KCNH5: variants seen among roughly 807,000 people sequenced by gnomAD.
KCNH5 encodes potassium voltage-gated channel subfamily H member 5.
A neutral mutation model predicts 96.1 loss-of-function variants in KCNH5; 46 were observed. That is an observed-to-expected ratio of 0.48 (90% CI 0.38 to 0.61). KCNH5 has a LOEUF of 0.61. Among genes scored for constraint, KCNH5 ranks in the 20% least tolerant of loss-of-function variants. The probability of loss-of-function intolerance (pLI) is 0.00; values close to 1 mark genes in which losing one functional copy is unlikely to be tolerated. For missense variants in KCNH5, 907 were observed against 1,225.8 expected, an observed-to-expected ratio of 0.74 and a Z score of 3.88; for synonymous variants, 439 against 449.8, an observed-to-expected ratio of 0.98 and a Z score of 0.30.
intron 7 of KCNH5, among the ~76,000 whole-genome samples, chr14:62,861,755 A>G (rs530482388): frequency 6.6e-6 from 1 of 152,216 alleles, no homozygotes; most frequent in Non-Finnish European, 1.5e-5. Flanking sequence ...CTTTGATTGC[A>G]TCTTTAAAAA....
chr14:62,914,188 T>C (rs961870262), intron 7 of KCNH5, among the ~76,000 whole-genome samples: 5 of 152,178 alleles, frequency 3.3e-5, no homozygotes, highest in Non-Finnish European at 5.9e-5. Flanking sequence ...AAAATAGAAA[T>C]CGTTAATAAC....
intron 6 of KCNH5, among the ~76,000 whole-genome samples, chr14:62,956,032 CAA>C (rs1348360849): frequency 2.6e-5 from 4 of 152,126 alleles, no homozygotes; most frequent in Non-Finnish European, 1.5e-5. Context: ...ATCATTGCTG[CAA>C]TATTAATCTT....
intron 7 of KCNH5, among the ~76,000 whole-genome samples, chr14:62,925,651 T>C (rs1889460931): frequency 6.6e-6 from 1 of 152,116 alleles, no homozygotes; most frequent in African/African-American, 2.4e-5. Context: ...TGATTTCTTT[T>C]AGTTTTTACA....
At chr14:62,734,100 C>T (rs1016716152) in intron 10 of KCNH5, among the ~76,000 whole-genome samples, 3 of 152,072 alleles carry the variant, frequency 2.0e-5, no homozygotes, top group African/African-American at 7.2e-5. Flanking sequence ...CTTCCATTTC[C>T]CTCTTGGCCA....
At chr14:62,726,878 T>TA (rs968743401) in intron 10 of KCNH5, among the ~76,000 whole-genome samples, 2 of 152,168 alleles carry the variant, frequency 1.3e-5, no homozygotes, top group Non-Finnish European at 2.9e-5. Flanking sequence ...AATAAATACA[T>TA]ACATTGAAGT....
chr14:63,002,061 G>A (rs918541596), intron 3 of KCNH5, among the ~76,000 whole-genome samples: 4 of 152,138 alleles, frequency 2.6e-5, no homozygotes, highest in Non-Finnish European at 4.4e-5. Flanking sequence ...CTTGATGTCC[G>A]ATGTACACAG....
At chr14:62,937,871 A>G (rs1889714594) in intron 7 of KCNH5, among the ~76,000 whole-genome samples, 1 of 152,142 alleles carries the variant, frequency 6.6e-6, no homozygotes, top group Non-Finnish European at 1.5e-5. Context: ...AGGGTCTGCT[A>G]TTCTCTAGCT....
intron 10 of KCNH5, among the ~76,000 whole-genome samples, chr14:62,774,366 T>C (rs1179516848): frequency 6.6e-6 from 1 of 152,186 alleles, no homozygotes; most frequent in African/African-American, 2.4e-5. Flanking sequence ...CATCAGTTAG[T>C]GGTGAGAGTC....
rs1316639597 is a variant in KCNH5 at position 62,981,092 on chromosome 14, T to C, written c.722A>G (p.Lys241Arg). The C allele has an allele frequency of 1.9e-6, 3 of 1,614,076 alleles. No individual in the cohort carries two copies. In the African/African-American group the frequency reaches 4.0e-5, roughly 22 times the overall value. Residue 241 changes from lysine to arginine, a missense_variant, in exon 6 of 11, where the codon AAG (lysine) becomes AGG (arginine). This residue lies in a region of KCNH5 where 370 missense variants were observed against 561.3 expected (regional missense o/e 0.66). Transcript: ENST00000322893. ...MVPYNVSFKT[K>R]QNNIAWLVLD... ...TACCAGCCAGGCTATGTTGTTCTGCTTTGTTTTGAAGGAAACATTATAAGG... is the reference window on the plus strand; with the variant it reads ...TACCAGCCAGGCTATGTTGTTCTGCCTTGTTTTGAAGGAAACATTATAAGG...
At chr14:62,958,422 C>T (rs1890146793) in intron 6 of KCNH5, among the ~76,000 whole-genome samples, 1 of 152,132 alleles carries the variant, frequency 6.6e-6, no homozygotes, top group South Asian at 2.1e-4. Context: ...TCTCCTCAGA[C>T]ACCCACTTTC....
At chr14:62,801,993 C>T (rs1022640146) in intron 9 of KCNH5, among the ~76,000 whole-genome samples, 2 of 152,098 alleles carry the variant, frequency 1.3e-5, no homozygotes, top group African/African-American at 4.8e-5. Context: ...AGACTAACAC[C>T]CTTCATCACT....
intron 6 of KCNH5, among the ~76,000 whole-genome samples, chr14:62,974,113 T>A (rs1200436191): frequency 6.6e-6 from 1 of 152,118 alleles, no homozygotes; most frequent in Non-Finnish European, 1.5e-5. Flanking sequence ...AAATTAAAAG[T>A]ATTTATATAC....
At chr14:62,739,631 G>A (rs992848524) in intron 10 of KCNH5, among the ~76,000 whole-genome samples, 3 of 152,164 alleles carry the variant, frequency 2.0e-5, no homozygotes, top group Admixed American at 6.5e-5. Context: ...GTGACCCATC[G>A]AAACTATAAA....
chr14:62,788,911 C>T (rs73273105), intron 9 of KCNH5, among the ~76,000 whole-genome samples: 1,910 of 152,062 alleles, frequency 0.013, 44 homozygotes, highest in African/African-American at 0.044. Flanking sequence ...AAATTGGTGA[C>T]TCTATTACAA....
chr14:62,819,002 T>A (rs2636020), intron 8 of KCNH5, among the ~76,000 whole-genome samples: 145,993 of 152,074 alleles, frequency 0.96, 70,120 homozygotes, highest in East Asian at 1. Context: ...AGTCTCGCTC[T>A]GTCACCCAGG....
chr14:62,866,357 G>GT (rs1173139048), intron 7 of KCNH5, among the ~76,000 whole-genome samples: 7 of 152,156 alleles, frequency 4.6e-5, no homozygotes, highest in Non-Finnish European at 1.0e-4. Flanking sequence ...ATGAAAGACT[G>GT]TAAGACACAT....
chr14:62,707,486 A>C lies in KCNH5; in HGVS notation c.*22T>G. On this transcript the variant is annotated 3_prime_UTR_variant, in exon 11 of 11. Transcript: ENST00000322893. ...TATGTATATACTGTTTTAATATATT[A>C]ACAAATATATATGTATATATATTAA... 1.7e-6 allele frequency: 2 copies of C among 1,168,568 alleles called. No homozygotes were observed. The highest frequency in any genetic ancestry group is 2.3e-6 in the Non-Finnish European group (2 of 879,560). The allele number at this position is 1,168,568 out of a possible 1,614,324, so 72.4% of individuals were successfully genotyped here. A position where few individuals can be genotyped will look rare whatever the true frequency, so the allele number is the denominator to read the frequency against.
intron 7 of KCNH5, 30 bp downstream of exon 7, chr14:62,950,103 A>C: frequency 6.2e-7 from 1 of 1,601,964 alleles, no homozygotes; most frequent in Non-Finnish European, 8.5e-7. Flanking sequence ...CAATAACAAT[A>C]ATTTTCAATG....
intron 10 of KCNH5, among the ~76,000 whole-genome samples, chr14:62,737,525 A>T (rs1885184109): frequency 6.6e-6 from 1 of 152,154 alleles, no homozygotes; most frequent in South Asian, 2.1e-4. Flanking sequence ...ACCTCACAGC[A>T]TTCTCCTGAG....
Sources: gnomAD v4.1 joint callset for allele counts (sites outside exome capture counted in the v4.1 genomes callset) on GRCh38, gnomAD v4.1.1 for gene constraint, gnomAD v4.1.1 regional missense constraint, MANE v1.5 for transcripts, NCBI Gene and HGNC (gene_info 2026-07-23, HGNC 2026-07-21) for gene names.